The following MAP6 variants were observed in gnomAD, a reference collection of about 807,000 sequenced individuals.
MAP6 encodes the protein microtubule-associated protein 6.
MAP6 carries 26 observed loss-of-function variants against 42.4 expected under a neutral mutation model. The ratio of observed to expected loss-of-function variants is 0.61; its 90% CI spans 0.45 to 0.85. The LOEUF is 0.85. Ranked by LOEUF, MAP6 falls within the 40% of genes least tolerant of loss-of-function variation. The probability of loss-of-function intolerance (pLI) is 0.00; values close to 1 mark genes in which losing one functional copy is unlikely to be tolerated. For synonymous variants in MAP6, 418 were observed against 443.8 expected, an observed-to-expected ratio of 0.94 and a Z score of 0.73; for missense variants, 966 against 1,099.0, an observed-to-expected ratio of 0.88 and a Z score of 1.71.
At chr11:75,645,234 G>A (rs1193846862) in intron 1 of MAP6, among the ~76,000 whole-genome samples, 2 of 152,070 alleles carry the variant, frequency 1.3e-5, no homozygotes, top group African/African-American at 2.4e-5. Context: ...AGAATGGGGA[G>A]TGGGAACTGA....
In MAP6 at chr11:75,667,394, C is replaced by T; in HGVS notation, c.905+71G>A. The T allele has an allele frequency of 1.5e-6, 2 of 1,342,170 alleles. No individual in the cohort carries two copies. Among genetic ancestry groups the T allele is most frequent in the South Asian group, 3.2e-5 (2 of 61,572 alleles). The allele number at this position is 1,342,170 out of a possible 1,614,324, so 83.1% of individuals were successfully genotyped here. ...GCACGCTAGGCCTGCGCTGGGGATC[C>T]TGGGCCCCGGGCAGCCCGCGGGGAG... On this transcript the variant is annotated intron_variant, in intron 1 of 3. Coordinates refer to ENST00000304771, the MANE Select transcript of MAP6 (RefSeq NM_033063.2). The surrounding 1 kb of genome is among the most constrained non-coding windows in gnomAD (Gnocchi z 5.6).
intron 3 of MAP6, among the ~76,000 whole-genome samples, chr11:75,598,021 C>T (rs1942611563): frequency 6.6e-6 from 1 of 152,212 alleles, no homozygotes; most frequent in Non-Finnish European, 1.5e-5. Flanking sequence ...CATGCCTCCC[C>T]ATGGGGCCCT....
At chr11:75,662,323 A>G (rs1943866174) in intron 1 of MAP6, among the ~76,000 whole-genome samples, 1 of 152,160 alleles carries the variant, frequency 6.6e-6, no homozygotes, top group Non-Finnish European at 1.5e-5. Flanking sequence ...CAGAAATAAA[A>G]CTTTAAAACT....
intron 1 of MAP6, among the ~76,000 whole-genome samples, chr11:75,665,723 C>T (rs1418142413): frequency 6.6e-6 from 1 of 152,108 alleles, no homozygotes; most frequent in Non-Finnish European, 1.5e-5. Flanking sequence ...TTCTTTTGCT[C>T]CCCGCTTGGT....
intron 1 of MAP6, among the ~76,000 whole-genome samples, chr11:75,651,430 T>C (rs2135678178): frequency 6.6e-6 from 1 of 152,280 alleles, no homozygotes; most frequent in East Asian, 1.9e-4. Context: ...CAGTCCCTCA[T>C]GGTAGAGCTC....
intron 1 of MAP6, among the ~76,000 whole-genome samples, chr11:75,655,851 G>A (rs1471463061): frequency 1.3e-5 from 2 of 152,228 alleles, no homozygotes; most frequent in African/African-American, 4.8e-5. Context: ...TTAGATTCCT[G>A]AGCCAGCTCA....
intron 1 of MAP6, among the ~76,000 whole-genome samples, chr11:75,613,444 G>A (rs1010195445): frequency 1.8e-4 from 28 of 152,124 alleles, no homozygotes; most frequent in African/African-American, 6.8e-4. Context: ...ACCACAGTGA[G>A]GCCCGGGGCA....
chr11:75,639,344 C>T (rs370111668), intron 1 of MAP6, among the ~76,000 whole-genome samples: 1 of 152,184 alleles, frequency 6.6e-6, no homozygotes, highest in Non-Finnish European at 1.5e-5. Flanking sequence ...ATCCCACATC[C>T]CTTTCTTCCT....
Position 75,660,659 on chromosome 11 carries a change from C to T in MAP6, c.905+6806G>A, listed in dbSNP as rs150737999. The stretch of plus-strand genomic sequence containing the variant: ...ATTATCTCAATAGCCTCCTTATTGG[C>T]CTTCCCTTCTCTAATCTTCCCAGGT... On this transcript the variant is annotated intron_variant, in intron 1 of 3. Coordinates refer to ENST00000304771, the MANE Select transcript of MAP6 (RefSeq NM_033063.2). Among the ~76,000 whole-genome samples, 552 of 152,284 alleles carry T rather than the reference C, an allele frequency of 3.6e-3. 16 individuals are homozygous for T. The highest frequency in any genetic ancestry group is 0.028 in the Admixed American group (434 of 15,298).
intron 1 of MAP6, among the ~76,000 whole-genome samples, chr11:75,641,057 C>T (rs1943461397): frequency 6.6e-6 from 1 of 152,118 alleles, no homozygotes; most frequent in Non-Finnish European, 1.5e-5. Context: ...CAGCACTATT[C>T]ACAATAGCAA....
At chr11:75,644,958 A>T (rs1426212465) in intron 1 of MAP6, among the ~76,000 whole-genome samples, 1 of 152,198 alleles carries the variant, frequency 6.6e-6, no homozygotes, top group Admixed American at 6.5e-5. Context: ...AAAGGCAGCT[A>T]AAAGCTGAAA....
intron 1 of MAP6, among the ~76,000 whole-genome samples, chr11:75,661,981 T>C (rs1355468600): frequency 6.6e-6 from 1 of 152,100 alleles, no homozygotes; most frequent in Non-Finnish European, 1.5e-5. Context: ...AAGATTAACA[T>C]ACAAAACTTA....
At chr11:75,595,484 G>A (rs1008663304) in intron 3 of MAP6, among the ~76,000 whole-genome samples, 16 of 152,286 alleles carry the variant, frequency 1.1e-4, no homozygotes, top group African/African-American at 3.4e-4. Flanking sequence ...CTTGGACAGT[G>A]TAACTCCAGA....
chr11:75,605,412 G>A (rs991809047), intron 3 of MAP6: 3 of 1,000,636 alleles, frequency 3.0e-6, no homozygotes, highest in Non-Finnish European at 3.6e-6. Context: ...TGTACCTAAA[G>A]TTCAAAATCG....
chr11:75,650,407 C>T (rs904890706), intron 1 of MAP6, among the ~76,000 whole-genome samples: 3 of 152,192 alleles, frequency 2.0e-5, no homozygotes, highest in African/African-American at 7.2e-5. Flanking sequence ...TGTACTTTCC[C>T]TGCCAAGCAT....
Position 75,668,499 on chromosome 11 carries a change from A to G in MAP6, c.-130T>C, listed in dbSNP as rs1944005786. On this transcript the variant is annotated 5_prime_UTR_variant, in exon 1 of 4. Coordinates refer to ENST00000304771, the MANE Select transcript of MAP6 (RefSeq NM_033063.2). ...CCGTTTTCTACCCCCGATCAGCCGG[A>G]GCTAGTTCGCCCTCCTCCCTCAGCG... 7.5e-7 allele frequency: 1 copy of G among 1,335,558 alleles called. No homozygotes were observed. The highest frequency in any genetic ancestry group is 1.5e-5 in the African/African-American group (1 of 65,894). 82.7% of individuals were successfully genotyped at this position (1,335,558 alleles called of 1,614,324 possible).
At chr11:75,627,462 G>A (rs550195864) in intron 1 of MAP6, among the ~76,000 whole-genome samples, 12 of 152,328 alleles carry the variant, frequency 7.9e-5, no homozygotes, top group African/African-American at 2.2e-4. Flanking sequence ...TTGCACGTAC[G>A]TCCATGTCTG....
intron 1 of MAP6, among the ~76,000 whole-genome samples, chr11:75,624,473 G>C (rs1449753744): frequency 6.6e-6 from 1 of 152,106 alleles, no homozygotes; most frequent in African/African-American, 2.4e-5. Flanking sequence ...CTCCCAGAGA[G>C]GTTCAAGGTC....
intron 1 of MAP6, among the ~76,000 whole-genome samples, chr11:75,619,192 GTGTA>G (rs1393238001): frequency 6.6e-6 from 1 of 152,142 alleles, no homozygotes; most frequent in Admixed American, 6.5e-5. Flanking sequence ...ACCATACCCT[GTGTA>G]TGTATGGATG....
Sources: gnomAD v4.1 joint callset for allele counts (sites outside exome capture counted in the v4.1 genomes callset) on GRCh38, gnomAD v4.1.1 for gene constraint, Gnocchi (gnomAD v3.1) non-coding constraint, MANE v1.5 for transcripts, NCBI Gene and HGNC (gene_info 2026-07-23, HGNC 2026-07-21) for gene names.